VWF: variants seen among roughly 807,000 people sequenced by gnomAD.
The protein encoded by VWF is Factor VIII related antigen.
VWF carries 176 observed loss-of-function variants against 308.6 expected under a neutral mutation model. That is an observed-to-expected ratio of 0.57 (90% confidence interval 0.50 to 0.65). The LOEUF (loss-of-function observed/expected upper bound fraction) is 0.65. Ranked by LOEUF, VWF falls within the 30% of genes least tolerant of loss-of-function variation. The probability of loss-of-function intolerance (pLI) is 0.00; values close to 1 mark genes in which losing one functional copy is unlikely to be tolerated. For synonymous variants in VWF, 1,385 were observed against 1,443.4 expected (o/e 0.96, Z 0.92); for missense variants, 3,146 against 3,648.2 (o/e 0.86, Z 3.55).
chr12:6,110,737 C>G (rs563269272), intron 4 of VWF, 129 bp downstream of exon 4: 1 of 1,309,862 alleles, frequency 7.6e-7, no homozygotes, highest in East Asian at 2.3e-5. Context: ...GGCTCTCACC[C>G]AGCCCTGCTA....
chr12:5,979,033 A>T (rs1943562643), intron 42 of VWF, among the ~76,000 whole-genome samples: 1 of 152,266 alleles, frequency 6.6e-6, no homozygotes, highest in Non-Finnish European at 1.5e-5. Flanking sequence ...AATATCAAAA[A>T]AAAATAAAGT....
At chr12:6,111,306 C>T (rs1945305384) in intron 3 of VWF, among the ~76,000 whole-genome samples, 1 of 152,156 alleles carries the variant, frequency 6.6e-6, no homozygotes, top group Non-Finnish European at 1.5e-5. Flanking sequence ...TATTGTAAGG[C>T]AGCAAACAAA....
At chr12:6,089,652 A>G (rs143335103) in intron 6 of VWF, among the ~76,000 whole-genome samples, 2 of 152,278 alleles carry the variant, frequency 1.3e-5, no homozygotes, top group African/African-American at 4.8e-5. Flanking sequence ...CCTCCCACTC[A>G]GTATGGATAA....
chr12:6,057,048 G>T lies in VWF; in HGVS notation c.1754C>A (p.Ala585Glu), dbSNP rs758074950. Residue 585 changes from alanine (A) to glutamate (E), a missense_variant, in exon 15 of 52, where the codon GCG becomes GAG. By Grantham distance (107) the Ala-to-Glu change is moderately radical. This residue lies in a region of VWF where 1,304 missense variants were observed against 1,353.0 expected (regional missense o/e 0.96). Coordinates refer to ENST00000261405, the MANE Select transcript of VWF (RefSeq NM_000552.5). Reference sequence around the variant, plus strand: ...CTCGAATGTGGGGGACGTCAGGACCGCGCACGCCTCCTCGGAGAACCTGGC... The same window carrying T: ...CTCGAATGTGGGGGACGTCAGGACCTCGCACGCCTCCTCGGAGAACCTGGC... ...RMTRFSEEACAVLTSPTFEAC... is the reference protein window; with the variant it reads ...RMTRFSEEACEVLTSPTFEAC... The T allele has an allele frequency of 4.5e-6, 7 of 1,544,640 alleles. No individual in the cohort carries two copies. The South Asian group carries it at 8.3e-5, about 18-fold the overall frequency.
intron 3 of VWF, among the ~76,000 whole-genome samples, chr12:6,117,848 G>A (rs1391745875): frequency 6.6e-6 from 1 of 152,190 alleles, no homozygotes; most frequent in East Asian, 1.9e-4. Context: ...TGGAGGCTAA[G>A]ACAGCACAAC....
At position 6,024,938 on chromosome 12, in the gene VWF, G is replaced by A. The variant is rs546547747; in HGVS notation, c.3222+642C>T. 6.6e-6 allele frequency among the ~76,000 whole-genome samples: 1 copy of A among 151,602 alleles called. No homozygotes were observed. Among genetic ancestry groups the A allele is most frequent in the Non-Finnish European group, 1.5e-5 (1 of 67,958 alleles). On this transcript the variant is annotated intron_variant, in intron 24 of 51. Transcript: ENST00000261405. The surrounding 1 kb of genome is among the most constrained non-coding windows in gnomAD (Gnocchi z 4.0). ...CTCGGGAGGTTGAGGCAGGAGAATCGCTTGAGCCCAGGAGGCAGAGGCTGC... is the reference window on the plus strand; with the variant it reads ...CTCGGGAGGTTGAGGCAGGAGAATCACTTGAGCCCAGGAGGCAGAGGCTGC...
At chr12:5,983,401 GGATA>G (rs58264371) in intron 40 of VWF, 147 bp from the exon 41 acceptor site, 227 of 480,188 alleles carry the variant, frequency 4.7e-4, no homozygotes, top group South Asian at 1.4e-3. Flanking sequence ...ACATGGGTTA[GGATA>G]GATAGATAGA....
intron 40 of VWF, 56 bp downstream of exon 40, chr12:5,984,989 G>A: frequency 6.3e-7 from 1 of 1,576,724 alleles, no homozygotes; most frequent in East Asian, 2.2e-5. Flanking sequence ...CTTCAACGTG[G>A]TGCCCCCTGG....
chr12:6,098,030 C>T (rs1309544392), intron 5 of VWF, among the ~76,000 whole-genome samples: 1 of 152,134 alleles, frequency 6.6e-6, no homozygotes, highest in Non-Finnish European at 1.5e-5. Context: ...TTAGCCCTGA[C>T]CATCTATGAA....
intron 5 of VWF, among the ~76,000 whole-genome samples, chr12:6,109,263 A>C: frequency 6.7e-6 from 1 of 150,218 alleles, no homozygotes; most frequent in East Asian, 1.9e-4. Context: ...ACGTGTATAT[A>C]TATACATATA....
chr12:6,049,965 C>G lies in VWF; in HGVS notation c.2186+2578G>C, dbSNP rs573215749. 8.5e-5 allele frequency among the ~76,000 whole-genome samples: 13 copies of G among 152,286 alleles called. No individual in the cohort carries two copies. In the South Asian group the frequency reaches 1.7e-3, roughly 19 times the overall value. ...GTTCTGACTCAGTCCTCTTTTCTGC[C>G]CTCTGGCCCACTCCCCTTAGGGATC... is the stretch of plus-strand genomic sequence containing the variant. On this transcript the variant is annotated intron_variant, in intron 16 of 51. Transcript: ENST00000261405.
intron 11 of VWF, 115 bp from the exon 12 acceptor site, chr12:6,064,499 T>C (rs1944690619): frequency 2.0e-6 from 3 of 1,464,822 alleles, no homozygotes; most frequent in Admixed American, 3.9e-5. Flanking sequence ...GGCCTTCTCA[T>C]AACCTACAAC....
intron 47 of VWF, among the ~76,000 whole-genome samples, chr12:5,967,265 G>A (rs761342543): frequency 1.7e-4 from 26 of 152,292 alleles, no homozygotes; most frequent in Non-Finnish European, 2.1e-4. Flanking sequence ...TGAAAACTCA[G>A]GAAGAAAATG....
chr12:6,017,254 C>T (rs548415431), intron 28 of VWF, among the ~76,000 whole-genome samples: 4 of 152,306 alleles, frequency 2.6e-5, no homozygotes, highest in African/African-American at 9.6e-5. Context: ...AGCGGCAGCC[C>T]CTCCCTGGAC....
Position 6,110,415 on chromosome 12 carries a change from T to G in VWF, c.491A>C (p.Asn164Thr). Residue 164 changes from asparagine to threonine, a missense_variant, in exon 5 of 52, where the codon AAC (asparagine) becomes ACC (threonine). Transcript: ENST00000261405. ...GTCATCTTCAGCAAAGATGTTAAAG[T>G]TGCCACACAGCCCGCAGGTCTTGTT... ...YFNKTCGLCG[N>T]FNIFAEDDFM... The G allele has an allele frequency of 6.2e-7, 1 of 1,614,208 alleles. No homozygotes were observed. Among genetic ancestry groups the G allele is most frequent in the Non-Finnish European group, 8.5e-7 (1 of 1,180,026 alleles).
At position 5,995,106 on chromosome 12, in the gene VWF, T is replaced by C. The variant is rs540799388; in HGVS notation, c.6064-499A>G. Among the ~76,000 whole-genome samples the C allele has an allele frequency of 1.7e-4, 26 of 152,316 alleles. 1 individual carries two copies. In the South Asian group the frequency reaches 5.4e-3, roughly 32 times the overall value. On this transcript the variant is annotated intron_variant, in intron 35 of 51. Transcript: ENST00000261405. ...CTATCGTTAGTGTTAATGCATTGTA[T>C]GTGTGGCCCAAGACAATTCCTCTTC...
rs1344591015 is a variant in VWF, at chr12:6,007,301, G to A, written c.5842+4316C>T. Among the ~76,000 whole-genome samples, 6 of 152,250 alleles carry A rather than the reference G, an allele frequency of 3.9e-5. No homozygotes were observed. In the East Asian group the frequency reaches 1.2e-3, roughly 29 times the overall value. On this transcript the variant is annotated intron_variant, in intron 34 of 51. Coordinates refer to ENST00000261405, the MANE Select transcript of VWF (RefSeq NM_000552.5). The stretch of plus-strand genomic sequence containing the variant: ...ATTCTTCTCAAACACACATAGAACA[G>A]TCTCCAGAATAGCTCACATGCTAGC...
At chr12:6,085,575 C>A (rs1012946695) in intron 6 of VWF, among the ~76,000 whole-genome samples, 49 of 152,010 alleles carry the variant, frequency 3.2e-4, no homozygotes, top group African/African-American at 1.1e-3. Context: ...GTTAGGGAGG[C>A]CTTTGAATTG....
In VWF at chr12:6,025,549, G is replaced by A. The variant is rs73051263; in HGVS notation, c.3222+31C>T. On this transcript the variant is annotated intron_variant, in intron 24 of 51. Coordinates refer to ENST00000261405, the MANE Select transcript of VWF (RefSeq NM_000552.5). The stretch of plus-strand genomic sequence containing the variant: ...TACCACCAGGCCAAGCCTTGGGACC[G>A]TCTGCTTCCCACTACCCTCAAGGTC... 340,090 of 1,485,324 alleles carry A rather than the reference G, an allele frequency of 0.23. 42,026 individuals are homozygous for A. Among genetic ancestry groups the A allele is most frequent in the African/African-American group, 0.42 (30,040 of 71,334 alleles). 92.0% of individuals were successfully genotyped at this position (1,485,324 alleles called of 1,614,324 possible).
Sources: allele counts gnomAD v4.1 joint callset (sites outside exome capture counted in the v4.1 genomes callset), GRCh38; gene constraint gnomAD v4.1.1; regional missense constraint gnomAD v4.1.1; non-coding constraint Gnocchi (gnomAD v3.1); transcripts MANE v1.5; gene names NCBI Gene and HGNC (gene_info 2026-07-23, HGNC 2026-07-21).